Variants in MLLT1 observed in about 807,000 individuals in gnomAD.
MLLT1 encodes the protein protein ENL.
MLLT1 carries 11 observed loss-of-function variants against 55.1 expected under a neutral mutation model. The observed-to-expected ratio is 0.20, with a 90% CI of 0.13 to 0.33. The LOEUF (loss-of-function observed/expected upper bound fraction) is 0.33, where lower values mean the gene tolerates loss of function less well. MLLT1 is among the 10% of genes least tolerant of loss of function. The pLI, the probability that MLLT1 is intolerant of heterozygous loss-of-function variation, is 1.00. For synonymous variants in MLLT1, 323 were observed against 320.1 expected (o/e 1.01, Z -0.10); for missense variants, 536 against 760.6 (o/e 0.70, Z 3.47).
chr19:6,211,207 C>T lies in MLLT1; in HGVS notation c.*1835G>A. 4.3e-6 allele frequency: 1 copy of T among 232,672 alleles called. No individual in the cohort carries two copies. Among genetic ancestry groups the T allele is most frequent in the African/African-American group, 2.2e-5 (1 of 45,394 alleles). The allele number at this position is 232,672 out of a possible 1,614,324, so 14.4% of individuals were successfully genotyped here. On this transcript the variant is annotated 3_prime_UTR_variant, in exon 12 of 12. Coordinates refer to ENST00000252674, the MANE Select transcript of MLLT1 (RefSeq NM_005934.4). This position sits in a 1 kb window ranked among gnomAD's most constrained non-coding sequence, Gnocchi z 4.6. ...TCCTTCAGTCCAATGTCTTAGTTTC[C>T]AGAGAAGAAAGGAAGCGCCCCATGG...
rs538767206 is a variant in MLLT1, at chr19:6,227,592, G to A, written c.421-490C>T. Among the ~76,000 whole-genome samples the A allele has an allele frequency of 1.3e-5, 2 of 152,342 alleles. No homozygotes were observed. Among genetic ancestry groups the A allele is most frequent in the South Asian group, 2.1e-4 (1 of 4,830 alleles). Reference sequence around the variant, plus strand: ...GGAGAATGAGCCGTCCTTGGTGTGCGGTGACTGCAGCGGACCCGAACAGGG... The same window carrying A: ...GGAGAATGAGCCGTCCTTGGTGTGCAGTGACTGCAGCGGACCCGAACAGGG... On this transcript the variant is annotated intron_variant, in intron 4 of 11. Coordinates refer to ENST00000252674, the MANE Select transcript of MLLT1 (RefSeq NM_005934.4). The surrounding 1 kb of genome is among the most constrained non-coding windows in gnomAD (Gnocchi z 5.1).
chr19:6,251,941 C>T lies in MLLT1; in HGVS notation c.276+10287G>A, dbSNP rs866934799. Among the ~76,000 whole-genome samples the T allele has an allele frequency of 5.9e-5, 9 of 152,042 alleles. No individual in the cohort carries two copies. In the Middle Eastern group the frequency reaches 0.014, roughly 230 times the overall value. Reference sequence around the variant, plus strand: ...CTGCACTCCAGTCTAGGTGACAGAGCGAGACTCCACCACAAAGAAAAAAGA... The same window carrying T: ...CTGCACTCCAGTCTAGGTGACAGAGTGAGACTCCACCACAAAGAAAAAAGA... On this transcript the variant is annotated intron_variant, in intron 3 of 11. Transcript: ENST00000252674.
chr19:6,215,238 C>T (rs1054557252), intron 8 of MLLT1, among the ~76,000 whole-genome samples: 5 of 152,354 alleles, frequency 3.3e-5, no homozygotes, highest in African/African-American at 9.6e-5. Context: ...AATCAAAAGG[C>T]GCTTCGCGTG....
Position 6,216,446 on chromosome 19 carries a change from G to A in MLLT1, c.1266C>T (p.Gly422=). 6.2e-7 allele frequency: 1 copy of A among 1,609,844 alleles called. No individual in the cohort carries two copies. The highest frequency in any genetic ancestry group is 8.5e-7 in the Non-Finnish European group (1 of 1,178,920). The change falls in exon 8 of 12, where the codon GGC becomes GGT. Residue 422 remains glycine (G), a synonymous_variant. Coordinates refer to ENST00000252674, the MANE Select transcript of MLLT1 (RefSeq NM_005934.4). ...EESDEDDSSS[G]EEAAGKTNPG... The stretch of plus-strand genomic sequence containing the variant: ...GGTTGGTCTTGCCGGCAGCCTCCTC[G>A]CCTGACGAAGAGTCGTCCTCGTCGG...
At chr19:6,254,362 C>G (rs936996855) in intron 3 of MLLT1, among the ~76,000 whole-genome samples, 1 of 152,178 alleles carries the variant, frequency 6.6e-6, no homozygotes, top group African/African-American at 2.4e-5. Context: ...TACAACAAAC[C>G]AGTAATGGAA....
intron 7 of MLLT1, chr19:6,216,850 A>C (rs910445708): frequency 4.4e-5 from 12 of 272,944 alleles, no homozygotes; most frequent in African/African-American, 2.3e-4. Context: ...AGAGATCAGA[A>C]GCTCTGCCGA....
chr19:6,247,203 TTCCTAGC>T (rs946074002), intron 3 of MLLT1, among the ~76,000 whole-genome samples: 2 of 152,144 alleles, frequency 1.3e-5, no homozygotes, highest in African/African-American at 4.8e-5. Context: ...TGGGGGTGGT[TTCCTAGC>T]TCTGTCATAT....
intron 3 of MLLT1, chr19:6,259,794 T>A (rs1600210761): frequency 2.4e-4 from 11 of 46,176 alleles, no homozygotes; most frequent in Middle Eastern, 0.014. Context: ...CCAAGAAACA[T>A]GACTTAAAAA....
rs1278313125 is a variant in MLLT1 at position 6,212,972 on chromosome 19, G to C, written c.*70C>G. On this transcript the variant is annotated 3_prime_UTR_variant, in exon 12 of 12. Transcript: ENST00000252674. ...TGCTGCGGGCAGGCGAGACGGGAGA[G>C]GAGGGCAGGCGAGGCCTGGCTGCAG... The C allele has an allele frequency of 4.4e-6, 7 of 1,579,174 alleles. No individual in the cohort carries two copies. In the African/African-American group the frequency reaches 9.4e-5, roughly 21 times the overall value.
chr19:6,261,510 G>A lies in MLLT1; in HGVS notation c.276+718C>T, dbSNP rs1045877474. ...CCTTCCCCAGCGTTGCCTCCATGCC[G>A]GGCCAGCTGCACTTGTGGGAAAGCA... On this transcript the variant is annotated intron_variant, in intron 3 of 11. Transcript: ENST00000252674. Among the ~76,000 whole-genome samples, 13 of 152,058 alleles carry A rather than the reference G, an allele frequency of 8.5e-5. No homozygotes were observed. In the East Asian group the frequency reaches 2.5e-3, roughly 29 times the overall value.
At chr19:6,237,701 G>A (rs1284492876) in intron 3 of MLLT1, among the ~76,000 whole-genome samples, 7 of 151,036 alleles carry the variant, frequency 4.6e-5, no homozygotes, top group African/African-American at 4.9e-5. Context: ...CCCAGGAGGC[G>A]GAGCTTGCAA....
chr19:6,220,472 G>A (rs1230934508), intron 6 of MLLT1, among the ~76,000 whole-genome samples: 2 of 152,234 alleles, frequency 1.3e-5, no homozygotes, highest in South Asian at 2.1e-4. Context: ...CAGCCTCAAG[G>A]CCACCCAGCC....
intron 1 of MLLT1, among the ~76,000 whole-genome samples, chr19:6,274,301 G>A (rs1205681795): frequency 2.6e-5 from 4 of 152,210 alleles, no homozygotes; most frequent in Non-Finnish European, 5.9e-5. Context: ...GTGGAGCCCC[G>A]GCCAACGCGT....
At chr19:6,258,912 T>C (rs2091280333) in intron 3 of MLLT1, among the ~76,000 whole-genome samples, 2 of 152,160 alleles carry the variant, frequency 1.3e-5, no homozygotes, top group African/African-American at 2.4e-5. Context: ...ATCTCAACAA[T>C]GAAAGGATGA....
intron 3 of MLLT1, among the ~76,000 whole-genome samples, chr19:6,237,254 C>T (rs2091071160): frequency 6.6e-6 from 1 of 152,214 alleles, no homozygotes; most frequent in African/African-American, 2.4e-5. Context: ...AGAGGCCACA[C>T]TCCCTCTGCC....
At position 6,212,241 on chromosome 19, in the gene MLLT1, A is replaced by G; in HGVS notation, c.*801T>C. 5 of 1,065,426 alleles carry G rather than the reference A, an allele frequency of 4.7e-6. No individual in the cohort carries two copies. The highest frequency in any genetic ancestry group is 5.7e-6 in the Non-Finnish European group (5 of 879,194). The allele number at this position is 1,065,426 out of a possible 1,614,324, so 66.0% of individuals were successfully genotyped here. On this transcript the variant is annotated 3_prime_UTR_variant, in exon 12 of 12. Coordinates refer to ENST00000252674, the MANE Select transcript of MLLT1 (RefSeq NM_005934.4). ...GCCCTGAGGACTCGCTGCCCTTTGT[A>G]GTGTTGGCTGACCCCCCCGGGAGCC...
chr19:6,271,975 T>C (rs1213012393), intron 1 of MLLT1, among the ~76,000 whole-genome samples: 1 of 152,260 alleles, frequency 6.6e-6, no homozygotes, highest in Non-Finnish European at 1.5e-5. Context: ...CCCCGCCACC[T>C]GGCTGAGTGC....
At chr19:6,261,701 G>C (rs1439385564) in intron 3 of MLLT1, among the ~76,000 whole-genome samples, 1 of 151,728 alleles carries the variant, frequency 6.6e-6, no homozygotes, top group Non-Finnish European at 1.5e-5. Context: ...AAACCCCCTG[G>C]ACTCCCACCA....
chr19:6,245,476 C>T (rs956982689), intron 3 of MLLT1, among the ~76,000 whole-genome samples: 1 of 148,714 alleles, frequency 6.7e-6, no homozygotes, highest in African/African-American at 2.5e-5. Flanking sequence ...TTTGGGAGGC[C>T]GAGGTGGGCG....
Sources: allele counts gnomAD v4.1 joint callset (sites outside exome capture counted in the v4.1 genomes callset), GRCh38; gene constraint gnomAD v4.1.1; non-coding constraint Gnocchi (gnomAD v3.1); transcripts MANE v1.5; gene names NCBI Gene and HGNC (gene_info 2026-07-23, HGNC 2026-07-21).